The following RGL3 variants were observed in gnomAD, a reference collection of about 807,000 sequenced individuals.
The protein encoded by RGL3 is ral guanine nucleotide dissociation stimulator-like 3.
A neutral mutation model predicts 90.6 loss-of-function variants in RGL3; 85 were observed. The ratio of observed to expected loss-of-function variants is 0.94; its 90% confidence interval spans 0.79 to 1.12. The LOEUF is 1.12. Among genes scored for constraint, RGL3 ranks in the 50% most tolerant of loss-of-function variants. RGL3 has a pLI of 0.00. For synonymous variants in RGL3, 408 were observed against 385.5 expected (o/e 1.06, Z -0.68); for missense variants, 1,034 against 939.2 (o/e 1.10, Z -1.32).
intron 16 of RGL3, among the ~76,000 whole-genome samples, chr19:11,398,534 C>T (rs771017489): frequency 5.3e-5 from 8 of 151,786 alleles, no homozygotes; most frequent in South Asian, 2.1e-4. Flanking sequence ...TTAGTAGAGA[C>T]GGGGTTTCAC....
In RGL3 at chr19:11,396,163, T is replaced by A. The variant is rs1382101648; in HGVS notation, c.2014+1081A>T. 4.3e-3 allele frequency among the ~76,000 whole-genome samples: 237 copies of A among 54,560 alleles called. 9 individuals are homozygous for A. The highest frequency in any genetic ancestry group is 0.029 in the African/African-American group (228 of 7,780). 35.8% of individuals were successfully genotyped at this position (54,560 alleles called of 152,430 possible). On this transcript the variant is annotated intron_variant, in intron 18 of 18. Coordinates refer to ENST00000380456, the MANE Select transcript of RGL3 (RefSeq NM_001035223.4). Reference sequence around the variant, plus strand: ...ATATATATATATATATATATATTTTTTTTTTTTTTTTTTTTTTTTTTTTGA... The same window carrying A: ...ATATATATATATATATATATATTTTATTTTTTTTTTTTTTTTTTTTTTTGA...
Position 11,415,998 on chromosome 19 carries a change from C to G in RGL3, c.576G>C (p.Leu192=), listed in dbSNP as rs781208255. ...GCTCAGCCTCCTCCAAAAAATCTTC[C>G]AGAAGCTTCTCTGCTTTTTGAGCCT... is the stretch of plus-strand genomic sequence containing the variant. ...SAEAQKAEKL[L]EDFLEEAERE... The change falls in exon 5 of 19, where the codon CTG becomes CTC. Residue 192 remains leucine (L), a synonymous_variant. Coordinates refer to ENST00000380456, the MANE Select transcript of RGL3 (RefSeq NM_001035223.4). 3.1e-6 allele frequency: 5 copies of G among 1,613,982 alleles called. No individual in the cohort carries two copies. In the South Asian group the frequency reaches 5.5e-5, roughly 18 times the overall value.
intron 7 of RGL3, 35 bp downstream of exon 7, chr19:11,406,384 C>A (rs1968778486): frequency 1.3e-6 from 2 of 1,513,524 alleles, no homozygotes; most frequent in Non-Finnish European, 1.8e-6. Context: ...CCCCAGGGCC[C>A]GCCCCCGCAT....
In RGL3 at chr19:11,419,309, C is replaced by G; in HGVS notation, c.-31G>C. On this transcript the variant is annotated 5_prime_UTR_variant, in exon 1 of 19. Coordinates refer to ENST00000380456, the MANE Select transcript of RGL3 (RefSeq NM_001035223.4). ...GCGCCCGTCCCTCTCAGTGGCGCCGCTGAGTGAGGCGGAAGGGCCGGCGGG... is the reference window on the plus strand; with the variant it reads ...GCGCCCGTCCCTCTCAGTGGCGCCGGTGAGTGAGGCGGAAGGGCCGGCGGG... The G allele has an allele frequency of 6.7e-7, 1 of 1,496,338 alleles. No homozygotes were observed. The highest frequency in any genetic ancestry group is 9.0e-7 in the Non-Finnish European group (1 of 1,116,964). The allele number at this position is 1,496,338 out of a possible 1,614,324, so 92.7% of individuals were successfully genotyped here. A position where few individuals can be genotyped will look rare whatever the true frequency, so the allele number is the denominator to read the frequency against.
Position 11,394,090 on chromosome 19 carries a change from C to A in RGL3, c.*312G>T. On this transcript the variant is annotated 3_prime_UTR_variant, in exon 19 of 19. Coordinates refer to ENST00000380456, the MANE Select transcript of RGL3 (RefSeq NM_001035223.4). Reference sequence around the variant, plus strand: ...TAACTCTGGTCACTATTTTCATCCGCATCTGTCACTTCTGATGCGTCTCTA... The same window carrying A: ...TAACTCTGGTCACTATTTTCATCCGAATCTGTCACTTCTGATGCGTCTCTA... The A allele has an allele frequency of 3.6e-6, 1 of 280,378 alleles. No individual in the cohort carries two copies. The allele number at this position is 280,378 out of a possible 1,614,324, so 17.4% of individuals were successfully genotyped here.
At chr19:11,416,180 T>A (rs1236443212) in intron 4 of RGL3, 32 bp from the exon 5 acceptor site, 1 of 1,430,444 alleles carries the variant, frequency 7.0e-7, no homozygotes, top group South Asian at 1.4e-5. Context: ...CAGAGCTGGG[T>A]CCAGAGTGGG....
At chr19:11,404,983 A>G (rs1599434547) in intron 9 of RGL3, among the ~76,000 whole-genome samples, 164 bp downstream of exon 9, 1 of 152,132 alleles carries the variant, frequency 6.6e-6, no homozygotes, top group African/African-American at 2.4e-5. Context: ...GAAGTAGAGG[A>G]AAGAAAAACG....
At chr19:11,397,759 A>C in intron 16 of RGL3, 162 bp from the exon 17 acceptor site, 6 of 718,352 alleles carry the variant, frequency 8.4e-6, no homozygotes, top group Non-Finnish European at 1.0e-5. Flanking sequence ...CTGTAATCTC[A>C]GCATTTTGGG....
In RGL3 at chr19:11,415,922, C is replaced by T; in HGVS notation, c.637+15G>A. The T allele has an allele frequency of 6.2e-7, 1 of 1,602,084 alleles. No homozygotes were observed. The highest frequency in any genetic ancestry group is 8.5e-7 in the Non-Finnish European group (1 of 1,175,300). On this transcript the variant is annotated intron_variant, in intron 5 of 18. Coordinates refer to ENST00000380456, the MANE Select transcript of RGL3 (RefSeq NM_001035223.4). ...AGGCCTTCTCAGAACACGACTGGAT[C>T]TGAAAACCCCTCACCTGTCCACACC... is the stretch of plus-strand genomic sequence containing the variant.
chr19:11,410,299 C>T (rs1205491271), intron 5 of RGL3, among the ~76,000 whole-genome samples: 1 of 152,016 alleles, frequency 6.6e-6, no homozygotes, highest in South Asian at 2.1e-4. Flanking sequence ...TAGCACCCTG[C>T]CCCAATACTA....
intron 2 of RGL3, 66 bp downstream of exon 2, chr19:11,418,605 G>C (rs1452356633): frequency 1.5e-6 from 2 of 1,296,616 alleles, no homozygotes; most frequent in Middle Eastern, 2.5e-4. Context: ...CCTGTGCTCG[G>C]CTCTCCAGCT....
intron 5 of RGL3, 57 bp downstream of exon 5, chr19:11,415,880 G>A (rs561234240): frequency 3.7e-5 from 53 of 1,446,328 alleles, no homozygotes; most frequent in Middle Eastern, 1.9e-4. Context: ...GCCTGTGTGG[G>A]AAGAAGCAGA....
chr19:11,398,100 G>C (rs1367745183), intron 16 of RGL3, among the ~76,000 whole-genome samples: 1 of 152,114 alleles, frequency 6.6e-6, no homozygotes, highest in Middle Eastern at 3.2e-3. Flanking sequence ...CATGCAACTG[G>C]AGTACATTCA....
Position 11,405,305 on chromosome 19 carries a change from G to T in RGL3, c.1100+18C>A, listed in dbSNP as rs368779239. On this transcript the variant is annotated intron_variant, in intron 8 of 18. Coordinates refer to ENST00000380456, the MANE Select transcript of RGL3 (RefSeq NM_001035223.4). ...CAGACCTGGGATGGGCTGGGGAACA[G>T]GTCCCGCCCCAGCTCACCGGCTCAC... 41 of 1,612,388 alleles carry T rather than the reference G, an allele frequency of 2.5e-5. No homozygotes were observed. In the African/African-American group the frequency reaches 4.9e-4, roughly 19 times the overall value.
At chr19:11,412,463 T>G (rs930546857) in intron 5 of RGL3, among the ~76,000 whole-genome samples, 2 of 152,120 alleles carry the variant, frequency 1.3e-5, no homozygotes, top group African/African-American at 4.8e-5. Flanking sequence ...TCTCTCTACT[T>G]TTGTATATGT....
chr19:11,402,407 T>C (rs767684769), intron 11 of RGL3, 48 bp downstream of exon 11: 1 of 1,577,136 alleles, frequency 6.3e-7, no homozygotes, highest in Admixed American at 1.8e-5. Flanking sequence ...CCCATTGTGC[T>C]GGGGGCAAGT....
At chr19:11,414,447 A>ACCTT (rs1491126379) in intron 5 of RGL3, among the ~76,000 whole-genome samples, 1 of 67,320 alleles carries the variant, frequency 1.5e-5, no homozygotes, top group Non-Finnish European at 2.4e-5. Context: ...ATATATATAC[A>ACCTT]TATATATATA....
chr19:11,411,621 G>C (rs1968876899), intron 5 of RGL3, among the ~76,000 whole-genome samples: 2 of 152,234 alleles, frequency 1.3e-5, no homozygotes, highest in South Asian at 4.1e-4. Flanking sequence ...AATATAGACT[G>C]GGTATTTTTT....
At chr19:11,411,678 G>A (rs145287726) in intron 5 of RGL3, among the ~76,000 whole-genome samples, 5 of 152,198 alleles carry the variant, frequency 3.3e-5, no homozygotes, top group Non-Finnish European at 7.3e-5. Flanking sequence ...CTGGAGTACA[G>A]TGGCATAATC....
Sources: gnomAD v4.1 joint callset for allele counts (sites outside exome capture counted in the v4.1 genomes callset) on GRCh38, gnomAD v4.1.1 for gene constraint, MANE v1.5 for transcripts, NCBI Gene and HGNC (gene_info 2026-07-23, HGNC 2026-07-21) for gene names.